The following ODAD2 variants were observed in gnomAD, a reference collection of about 807,000 sequenced individuals.
ODAD2 encodes outer dynein arm-docking complex subunit 2.
Under a neutral mutation model 106.8 loss-of-function variants are expected in ODAD2, and 89 were observed. The ratio of observed to expected loss-of-function variants is 0.83; its 90% CI spans 0.70 to 0.99. The LOEUF is 0.99. Among genes scored for constraint, ODAD2 ranks in the 50% least tolerant of loss-of-function variants. The probability of loss-of-function intolerance (pLI) is 0.00; values close to 1 mark genes in which losing one functional copy is unlikely to be tolerated. For missense variants in ODAD2, 1,168 were observed against 1,238.5 expected (o/e 0.94, Z 0.85); for synonymous variants, 404 against 436.2 (o/e 0.93, Z 0.92).
chr10:27,995,143 G>T lies in ODAD2; in HGVS notation c.-1C>A, dbSNP rs1033978390. 3 of 1,613,966 alleles carry T rather than the reference G, an allele frequency of 1.9e-6. No homozygotes were observed. In the African/African-American group the frequency reaches 4.0e-5, roughly 22 times the overall value. ...TCAATTTCCTCAGAGCCACACCCAT[G>T]GGATCCACCGTGCTCAGACCTGAGC... On this transcript the variant is annotated 5_prime_UTR_variant, in exon 2 of 20. Transcript: ENST00000305242.
At chr10:27,891,201 C>T (rs989191771) in intron 17 of ODAD2, among the ~76,000 whole-genome samples, 5 of 152,158 alleles carry the variant, frequency 3.3e-5, no homozygotes, top group African/African-American at 1.2e-4. Flanking sequence ...GGTCAGGAAA[C>T]TGGCCTCATC....
intron 9 of ODAD2, among the ~76,000 whole-genome samples, chr10:27,966,761 T>G (rs980304938): frequency 6.6e-6 from 1 of 152,214 alleles, no homozygotes; most frequent in Admixed American, 6.5e-5. Context: ...TACCCTAAGC[T>G]AATTCACTAA....
intron 16 of ODAD2, among the ~76,000 whole-genome samples, chr10:27,932,639 C>G (rs1203235201): frequency 1.3e-5 from 2 of 152,194 alleles, no homozygotes; most frequent in African/African-American, 4.8e-5. Context: ...CTACTCCTGT[C>G]TGATATGTTC....
chr10:27,893,518 T>C (rs1222776499), intron 17 of ODAD2, among the ~76,000 whole-genome samples: 1 of 150,960 alleles, frequency 6.6e-6, no homozygotes, highest in Non-Finnish European at 1.5e-5. Context: ...GGCTGGTTTT[T>C]GCAGCATTAC....
Position 27,981,516 on chromosome 10 carries a change from T to C in ODAD2, c.886A>G (p.Thr296Ala). 6.5e-7 allele frequency: 1 copy of C among 1,536,068 alleles called. No individual in the cohort carries two copies. The highest frequency in any genetic ancestry group is 1.4e-5 in the African/African-American group (1 of 69,674). The change falls in exon 7 of 20, where the codon ACA (threonine) becomes GCA (alanine). Residue 296 changes from threonine (T) to alanine (A), a missense_variant. Thr to Ala is a moderately conservative substitution (Grantham distance 58, BLOSUM62 0). This residue lies in a region of ODAD2 where 430 missense variants were observed against 452.2 expected (regional missense o/e 0.95). Coordinates refer to ENST00000305242, the MANE Select transcript of ODAD2 (RefSeq NM_018076.5). Reference protein sequence around the residue: ...RKGSIYKNLVTFLREKSPKFS... With the variant: ...RKGSIYKNLVAFLREKSPKFS... ...TTTGGTGATTTTTCTCTTAAAAATGTGACAAGGTTTTTATAAATTGAACCT... is the reference window on the plus strand; with the variant it reads ...TTTGGTGATTTTTCTCTTAAAAATGCGACAAGGTTTTTATAAATTGAACCT...
rs12414731 is a variant in ODAD2 at position 27,822,760 on chromosome 10, C to T, written c.3022-10135G>A. ...TCAGTGAAGGGAGTCAAGGGGCTTGCCTTTATTGGTGTCTGTCCTCCTCAA... is the reference window on the plus strand; with the variant it reads ...TCAGTGAAGGGAGTCAAGGGGCTTGTCTTTATTGGTGTCTGTCCTCCTCAA... On this transcript the variant is annotated intron_variant, in intron 19 of 19. Transcript: ENST00000305242. Among the ~76,000 whole-genome samples the T allele has an allele frequency of 7.5e-3, 1,143 of 152,260 alleles. 46 individuals carry two copies. Among genetic ancestry groups the T allele is most frequent in the Admixed American group, 0.06 (912 of 15,296 alleles).
chr10:27,958,035 G>A (rs1013407370), intron 10 of ODAD2, among the ~76,000 whole-genome samples: 12 of 152,002 alleles, frequency 7.9e-5, no homozygotes, highest in Non-Finnish European at 1.3e-4. Flanking sequence ...TTTTAATATC[G>A]TTTTGTGTCT....
intron 16 of ODAD2, among the ~76,000 whole-genome samples, chr10:27,933,520 G>T (rs566244492): frequency 6.6e-6 from 1 of 152,274 alleles, no homozygotes; most frequent in Admixed American, 6.5e-5. Context: ...GAGACTAGAG[G>T]TGATGCCAAA....
At chr10:27,876,291 C>T (rs893002227) in intron 17 of ODAD2, among the ~76,000 whole-genome samples, 1 of 152,140 alleles carries the variant, frequency 6.6e-6, no homozygotes, top group Non-Finnish European at 1.5e-5. Flanking sequence ...TGGGAGGCAC[C>T]CCCCAGTAGG....
chr10:27,974,621 G>T (rs532502824), intron 7 of ODAD2, among the ~76,000 whole-genome samples: 2 of 150,470 alleles, frequency 1.3e-5, no homozygotes, highest in Non-Finnish European at 2.9e-5. Context: ...ATGTTGTTTC[G>T]GTTACTGTAG....
intron 17 of ODAD2, among the ~76,000 whole-genome samples, chr10:27,903,332 C>T (rs1417829924): frequency 6.6e-6 from 1 of 152,176 alleles, no homozygotes; most frequent in Non-Finnish European, 1.5e-5. Context: ...GACAAACCCA[C>T]AGCCAATATC....
intron 7 of ODAD2, among the ~76,000 whole-genome samples, chr10:27,980,980 T>C (rs1849507453): frequency 6.6e-6 from 1 of 152,104 alleles, no homozygotes; most frequent in East Asian, 1.9e-4. Flanking sequence ...ATAAACAAAA[T>C]ATTATTCTAC....
chr10:27,836,938 GAT>G (rs1367542954), intron 19 of ODAD2, among the ~76,000 whole-genome samples: 1 of 152,116 alleles, frequency 6.6e-6, no homozygotes, highest in African/African-American at 2.4e-5. Flanking sequence ...AAGCCTCAAA[GAT>G]ATAAATCAGG....
chr10:27,997,138 T>C (rs1326238533), intron 1 of ODAD2, among the ~76,000 whole-genome samples: 2 of 152,166 alleles, frequency 1.3e-5, no homozygotes, highest in Non-Finnish European at 2.9e-5. Context: ...AGTGCAGAAA[T>C]TAGTGCACAA....
intron 19 of ODAD2, among the ~76,000 whole-genome samples, chr10:27,837,522 G>C (rs905923236): frequency 6.6e-6 from 1 of 152,164 alleles, no homozygotes. Context: ...TCAGTCATTA[G>C]TGTGTATATT....
At chr10:27,855,119 T>C (rs1839569659) in intron 19 of ODAD2, among the ~76,000 whole-genome samples, 1 of 152,128 alleles carries the variant, frequency 6.6e-6, no homozygotes, top group Non-Finnish European at 1.5e-5. Flanking sequence ...GGCATATATA[T>C]GTCAAAATCT....
chr10:27,984,941 G>T lies in ODAD2; in HGVS notation c.575+78C>A, dbSNP rs1849780479. The T allele has an allele frequency of 9.9e-6, 8 of 811,506 alleles. No homozygotes were observed. In the South Asian group the frequency reaches 1.9e-4, roughly 19 times the overall value. 50.3% of individuals were successfully genotyped at this position (811,506 alleles called of 1,614,324 possible). A position where few individuals can be genotyped will look rare whatever the true frequency, so the allele number is the denominator to read the frequency against. Reference sequence around the variant, plus strand: ...ACTATCTATTTTGAGACAGAGTCTTGCTCTGTCACCCAGGCTGGAGTTCAG... The same window carrying T: ...ACTATCTATTTTGAGACAGAGTCTTTCTCTGTCACCCAGGCTGGAGTTCAG... On this transcript the variant is annotated intron_variant, in intron 4 of 19. Coordinates refer to ENST00000305242, the MANE Select transcript of ODAD2 (RefSeq NM_018076.5).
chr10:27,976,260 A>G (rs1380697980), intron 7 of ODAD2, among the ~76,000 whole-genome samples: 1 of 152,152 alleles, frequency 6.6e-6, no homozygotes, highest in Non-Finnish European at 1.5e-5. Context: ...AATAAAAAGA[A>G]ATAAAAAAAC....
At chr10:27,836,940 T>C (rs1447722565) in intron 19 of ODAD2, among the ~76,000 whole-genome samples, 6 of 152,166 alleles carry the variant, frequency 3.9e-5, no homozygotes, top group Admixed American at 3.3e-4. Flanking sequence ...GCCTCAAAGA[T>C]ATAAATCAGG....
Sources: gnomAD v4.1 joint callset for allele counts (sites outside exome capture counted in the v4.1 genomes callset) on GRCh38, gnomAD v4.1.1 for gene constraint, gnomAD v4.1.1 regional missense constraint, MANE v1.5 for transcripts, NCBI Gene and HGNC (gene_info 2026-07-23, HGNC 2026-07-21) for gene names.